SHB: variants seen among roughly 807,000 people sequenced by gnomAD.
SHB encodes SH2 domain-containing adapter protein B.
A neutral mutation model predicts 52.3 loss-of-function variants in SHB; 20 were observed. The observed-to-expected ratio is 0.38, with a 90% confidence interval of 0.27 to 0.56. The LOEUF (loss-of-function observed/expected upper bound fraction) is 0.56. Ranked by LOEUF, SHB falls within the 20% of genes least tolerant of loss-of-function variation. The pLI, the probability that SHB is intolerant of heterozygous loss-of-function variation, is 0.71. For missense variants in SHB, 825 were observed against 723.3 expected, an observed-to-expected ratio of 1.14 and a Z score of -1.61; for synonymous variants, 397 against 316.5, an observed-to-expected ratio of 1.25 and a Z score of -2.70.
intron 3 of SHB, among the ~76,000 whole-genome samples, chr9:37,970,527 T>C (rs1023132964): frequency 2.0e-5 from 3 of 152,176 alleles, no homozygotes; most frequent in African/African-American, 7.2e-5. Flanking sequence ...GGTGCTTTTC[T>C]TGAACGCAAT....
rs925969644 is a variant in SHB at position 37,944,170 on chromosome 9, C to T, written c.1346+4465G>A. Among the ~76,000 whole-genome samples the T allele has an allele frequency of 1.8e-4, 27 of 152,178 alleles. 1 individual carries two copies. Among genetic ancestry groups the T allele is most frequent in the African/African-American group, 4.8e-5 (2 of 41,446 alleles). On this transcript the variant is annotated intron_variant, in intron 5 of 5. Coordinates refer to ENST00000377707, the MANE Select transcript of SHB (RefSeq NM_003028.3). ...GGCAATCAGGCAGAATCGCCGAAGA[C>T]GATTCACAGGTAGGGGCCCCTGCCA...
chr9:38,024,754 C>T (rs186944923), intron 1 of SHB, among the ~76,000 whole-genome samples: 1 of 152,316 alleles, frequency 6.6e-6, no homozygotes, highest in East Asian at 1.9e-4. Context: ...TTCTTAAGTG[C>T]TTTCAGCCAG....
intron 3 of SHB, among the ~76,000 whole-genome samples, chr9:37,964,321 C>T (rs564678030): frequency 3.9e-5 from 6 of 152,324 alleles, no homozygotes; most frequent in East Asian, 3.9e-4. Context: ...GTTCCAGGAA[C>T]GCCGTACACA....
chr9:38,068,763 G>A lies in SHB; in HGVS notation c.-118C>T, dbSNP rs1822014479. The A allele has an allele frequency of 6.8e-6, 2 of 293,764 alleles. No individual in the cohort carries two copies. Among genetic ancestry groups the A allele is most frequent in the Non-Finnish European group, 1.0e-5 (2 of 193,478 alleles). 18.2% of individuals were successfully genotyped at this position (293,764 alleles called of 1,614,324 possible). On this transcript the variant is annotated 5_prime_UTR_variant, in exon 1 of 6. Transcript: ENST00000377707. ...CCGGCCCCGGCGGGGGGCGTCCGGGGCGCCCGCTCCCGACGCCAAGTTCAA... is the reference window on the plus strand; with the variant it reads ...CCGGCCCCGGCGGGGGGCGTCCGGGACGCCCGCTCCCGACGCCAAGTTCAA...
intron 4 of SHB, among the ~76,000 whole-genome samples, chr9:37,952,571 G>A (rs750788624): frequency 2.6e-5 from 4 of 152,178 alleles, no homozygotes; most frequent in Non-Finnish European, 4.4e-5. Flanking sequence ...AGGTTGGCGT[G>A]AGGAGGGGCC....
intron 2 of SHB, among the ~76,000 whole-genome samples, chr9:38,001,032 G>A (rs551093397): frequency 6.6e-6 from 1 of 152,300 alleles, no homozygotes; most frequent in East Asian, 1.9e-4. Context: ...TAAACGCATG[G>A]GGCACTGTTA....
intron 1 of SHB, among the ~76,000 whole-genome samples, chr9:38,036,311 A>T (rs1821487004): frequency 6.6e-6 from 1 of 152,228 alleles, no homozygotes; most frequent in South Asian, 2.1e-4. Flanking sequence ...AAACAGCCAC[A>T]TTTTAACCAA....
intron 2 of SHB, among the ~76,000 whole-genome samples, chr9:37,984,059 C>G (rs1820773676): frequency 6.6e-6 from 1 of 152,226 alleles, no homozygotes; most frequent in Non-Finnish European, 1.5e-5. Context: ...ACGGCACCCA[C>G]TGGAGGAAGG....
At chr9:37,979,773 A>T (rs748819029) in intron 2 of SHB, among the ~76,000 whole-genome samples, 1 of 152,216 alleles carries the variant, frequency 6.6e-6, no homozygotes, top group Admixed American at 6.5e-5. Context: ...TCTGGCCAAC[A>T]TGGTGAAACC....
intron 3 of SHB, among the ~76,000 whole-genome samples, chr9:37,970,752 C>T (rs1457676132): frequency 6.6e-6 from 1 of 151,944 alleles, no homozygotes; most frequent in Non-Finnish European, 1.5e-5. Flanking sequence ...TGCAAACCCC[C>T]AGTGATGGGA....
intron 1 of SHB, 99 bp downstream of exon 1, chr9:38,067,830 A>G: frequency 1.6e-6 from 2 of 1,270,648 alleles, no homozygotes; most frequent in Non-Finnish European, 2.0e-6. Flanking sequence ...CCTAGGCCGA[A>G]GCTGAAGTAG....
chr9:37,942,947 C>CCT (rs1367431787), intron 5 of SHB, among the ~76,000 whole-genome samples: 2 of 152,236 alleles, frequency 1.3e-5, no homozygotes, highest in Admixed American at 1.3e-4. Context: ...TGGCATCCCT[C>CCT]CTCGCCAGTA....
intron 5 of SHB, among the ~76,000 whole-genome samples, chr9:37,947,773 C>T (rs924003650): frequency 1.3e-5 from 2 of 152,228 alleles, no homozygotes; most frequent in East Asian, 3.8e-4. Flanking sequence ...CCTCCCATGG[C>T]CTCTAACAGC....
intron 5 of SHB, among the ~76,000 whole-genome samples, chr9:37,939,537 C>G (rs561994098): frequency 1.3e-5 from 2 of 152,318 alleles, no homozygotes; most frequent in African/African-American, 4.8e-5. Flanking sequence ...GGTTTCAGGT[C>G]TCTGGGCTTT....
intron 1 of SHB, among the ~76,000 whole-genome samples, chr9:38,029,710 C>T (rs1297285632): frequency 2.6e-5 from 4 of 152,084 alleles, no homozygotes; most frequent in Non-Finnish European, 5.9e-5. Flanking sequence ...AGGCTGCTCT[C>T]GAACTCCTGA....
intron 5 of SHB, among the ~76,000 whole-genome samples, chr9:37,936,232 C>T (rs1040222616): frequency 6.6e-6 from 1 of 151,794 alleles, no homozygotes; most frequent in African/African-American, 2.4e-5. Context: ...CAAAACAAAA[C>T]CAAACAAAAC....
chr9:38,029,523 G>A (rs548661508), intron 1 of SHB, among the ~76,000 whole-genome samples: 59 of 151,788 alleles, frequency 3.9e-4, no homozygotes, highest in South Asian at 2.3e-3. Flanking sequence ...ATGGAATCTC[G>A]CTCTGTTGCC....
chr9:37,949,655 T>C (rs747046789), intron 4 of SHB, among the ~76,000 whole-genome samples: 6 of 152,130 alleles, frequency 3.9e-5, no homozygotes. Flanking sequence ...CAGGGGCTTT[T>C]CTCTGTTTGA....
intron 1 of SHB, among the ~76,000 whole-genome samples, chr9:38,020,340 T>G (rs1180361262): frequency 6.6e-6 from 1 of 152,198 alleles, no homozygotes; most frequent in Non-Finnish European, 1.5e-5. Flanking sequence ...CCCAATAATC[T>G]GTATTTTAAC....
Sources: gnomAD v4.1 joint callset for allele counts (sites outside exome capture counted in the v4.1 genomes callset) on GRCh38, gnomAD v4.1.1 for gene constraint, MANE v1.5 for transcripts, NCBI Gene and HGNC (gene_info 2026-07-23, HGNC 2026-07-21) for gene names.